Variants in USP8 observed in about 807,000 individuals in gnomAD.
USP8 encodes ubiquitin specific peptidase 8.
Under a neutral mutation model 130.0 loss-of-function variants are expected in USP8, and 27 were observed. The observed-to-expected ratio is 0.21, with a 90% CI of 0.15 to 0.29. The LOEUF is 0.29. Ranked by LOEUF, USP8 falls within the 10% of genes least tolerant of loss-of-function variation. The probability of loss-of-function intolerance (pLI) is 1.00; values close to 1 mark genes in which losing one functional copy is unlikely to be tolerated. For missense variants in USP8, 1,029 were observed against 1,312.2 expected, an observed-to-expected ratio of 0.78 and a Z score of 3.33; for synonymous variants, 392 against 444.1, an observed-to-expected ratio of 0.88 and a Z score of 1.48.
intron 5 of USP8, among the ~76,000 whole-genome samples, chr15:50,460,036 C>T (rs1350747371): frequency 1.8e-5 from 2 of 110,872 alleles, no homozygotes; most frequent in East Asian, 3.1e-4. Flanking sequence ...TCATTCTTGT[C>T]GCCCAGGCTG....
rs1340295928 is a variant in USP8, at chr15:50,501,760, G to C, written c.*2672G>C. ...GTGTTATGGTGTATGATAAGGGTCA[G>C]CAAACCACGGCCCGTGGGTCAACTC... On this transcript the variant is annotated 3_prime_UTR_variant, in exon 20 of 20. Transcript: ENST00000307179. 1 of 152,156 alleles carries C rather than the reference G, an allele frequency of 6.6e-6. No individual in the cohort carries two copies. Among genetic ancestry groups the C allele is most frequent in the Admixed American group, 6.5e-5 (1 of 15,278 alleles). 9.4% of individuals were successfully genotyped at this position (152,156 alleles called of 1,614,324 possible).
intron 15 of USP8, chr15:50,493,127 G>T (rs1264961365): frequency 1.6e-6 from 1 of 633,494 alleles, no homozygotes; most frequent in Non-Finnish European, 2.9e-6. Context: ...ATCCTCACAG[G>T]GTAGAAGGTG....
intron 5 of USP8, 119 bp from the exon 6 acceptor site, chr15:50,462,161 G>T: frequency 2.7e-6 from 2 of 742,284 alleles, no homozygotes; most frequent in Non-Finnish European, 2.2e-6. Flanking sequence ...TTTATAAAAG[G>T]CCAGTACTCT....
chr15:50,461,249 C>T (rs2050989394), intron 5 of USP8, among the ~76,000 whole-genome samples: 1 of 152,062 alleles, frequency 6.6e-6, no homozygotes, highest in African/African-American at 2.4e-5. Context: ...ACTTTGGCCT[C>T]CCACAGTGCT....
intron 3 of USP8, among the ~76,000 whole-genome samples, chr15:50,446,067 T>A (rs114144892): frequency 1.1e-4 from 16 of 152,340 alleles, no homozygotes; most frequent in African/African-American, 3.8e-4. Context: ...TTTAAAATTT[T>A]TATGGTATTC....
At chr15:50,488,908 C>T (rs1030018855) in intron 12 of USP8, among the ~76,000 whole-genome samples, 2 of 151,628 alleles carry the variant, frequency 1.3e-5, no homozygotes, top group Non-Finnish European at 2.9e-5. Context: ...TTTATAGAGA[C>T]GGGGTCTGTG....
chr15:50,446,998 T>C (rs2050465021), intron 3 of USP8, among the ~76,000 whole-genome samples: 1 of 152,252 alleles, frequency 6.6e-6, no homozygotes, highest in South Asian at 2.1e-4. Context: ...AATCTTTTGC[T>C]ATATCACTCA....
In USP8 at chr15:50,481,859, G is replaced by C. The variant is rs768167279; in HGVS notation, c.1597G>C (p.Ala533Pro). ...AATGGAGAAGAAAGAAAGTGAACAG[G>C]CCAAGAAAGAAGATAAAGAAACCTC... is the stretch of plus-strand genomic sequence containing the variant. ...EEMEKKESEQ[A>P]KKEDKETSAK... Residue 533 changes from alanine to proline, a missense_variant, in exon 11 of 20, where the codon GCC becomes CCC. Coordinates refer to ENST00000307179, the MANE Select transcript of USP8 (RefSeq NM_005154.5). The C allele has an allele frequency of 6.5e-7, 1 of 1,542,778 alleles. No individual in the cohort carries two copies. Among genetic ancestry groups the C allele is most frequent in the South Asian group, 1.2e-5 (1 of 80,704 alleles).
At chr15:50,462,166 T>C (rs1224412239) in intron 5 of USP8, 114 bp from the exon 6 acceptor site, 8 of 783,674 alleles carry the variant, frequency 1.0e-5, no homozygotes, top group African/African-American at 7.3e-5. Context: ...AAAAGGCCAG[T>C]ACTCTGCACA....
At chr15:50,490,237 G>GTTTTTTTTTTTTTTT (rs368317483) in intron 13 of USP8, 26 bp from the exon 14 acceptor site, 11 of 1,229,250 alleles carry the variant, frequency 8.9e-6, no homozygotes, top group South Asian at 1.5e-5. Flanking sequence ...TTTTTGACCT[G>GTTTTTTTTTTTTTTT]TTTTTTTTTT....
intron 1 of USP8, among the ~76,000 whole-genome samples, chr15:50,433,888 AG>A (rs748107664): frequency 3.9e-5 from 6 of 152,242 alleles, no homozygotes; most frequent in Admixed American, 6.5e-5. Flanking sequence ...TACAGGCGTG[AG>A]CCACTGTGCA....
At chr15:50,474,436 A>T (rs1187854465) in intron 8 of USP8, among the ~76,000 whole-genome samples, 2 of 152,212 alleles carry the variant, frequency 1.3e-5, no homozygotes, top group Admixed American at 6.5e-5. Context: ...AGAACAATTC[A>T]TGCTATGACA....
intron 1 of USP8, among the ~76,000 whole-genome samples, chr15:50,437,302 C>T (rs1469930875): frequency 6.6e-6 from 1 of 152,204 alleles, no homozygotes; most frequent in African/African-American, 2.4e-5. Context: ...CTGATTACAA[C>T]TCTCCCTCTC....
At chr15:50,484,169 C>A in intron 11 of USP8, 106 bp from the exon 12 acceptor site, 2 of 821,594 alleles carry the variant, frequency 2.4e-6, no homozygotes, top group Non-Finnish European at 3.6e-6. Context: ...TTTTTTTCTC[C>A]TTTTACATTT....
At chr15:50,485,950 T>C (rs1488985614) in intron 12 of USP8, among the ~76,000 whole-genome samples, 2 of 152,196 alleles carry the variant, frequency 1.3e-5, no homozygotes, top group Non-Finnish European at 2.9e-5. Context: ...GTTTAGGGGA[T>C]AATAAAAGCC....
intron 16 of USP8, 90 bp downstream of exon 16, chr15:50,494,370 T>C (rs752792707): frequency 3.7e-5 from 42 of 1,133,722 alleles, no homozygotes; most frequent in Non-Finnish European, 5.0e-5. Context: ...TTCTAGTTGG[T>C]GATAGTTCAG....
intron 1 of USP8, among the ~76,000 whole-genome samples, chr15:50,431,950 C>T (rs2049947156): frequency 6.6e-6 from 1 of 152,182 alleles, no homozygotes; most frequent in Non-Finnish European, 1.5e-5. Flanking sequence ...GCCACCATGC[C>T]CAGCCAGATG....
At chr15:50,477,919 G>A (rs527780229) in intron 10 of USP8, among the ~76,000 whole-genome samples, 5 of 151,732 alleles carry the variant, frequency 3.3e-5, no homozygotes, top group African/African-American at 2.4e-5. Flanking sequence ...AAAAAGTATC[G>A]ATGAGAACAG....
chr15:50,444,825 A>G (rs2050372570), intron 3 of USP8, among the ~76,000 whole-genome samples: 1 of 152,066 alleles, frequency 6.6e-6, no homozygotes, highest in Non-Finnish European at 1.5e-5. Flanking sequence ...GGGCACAGTC[A>G]TGGTTCACTG....
Sources: allele counts gnomAD v4.1 joint callset (sites outside exome capture counted in the v4.1 genomes callset), GRCh38; gene constraint gnomAD v4.1.1; transcripts MANE v1.5; gene names NCBI Gene and HGNC (gene_info 2026-07-23, HGNC 2026-07-21).